Variants in EIF3B observed in about 807,000 individuals in gnomAD.
EIF3B encodes the protein eukaryotic translation initiation factor 3 subunit B.
In EIF3B, 10 loss-of-function variants were observed where a neutral mutation model predicts 104.6. The ratio of observed to expected loss-of-function variants is 0.10; its 90% confidence interval spans 0.06 to 0.16. EIF3B has a LOEUF of 0.16. Ranked by LOEUF, EIF3B falls within the 10% of genes least tolerant of loss-of-function variation. The pLI, the probability that EIF3B is intolerant of heterozygous loss-of-function variation, is 1.00. For missense variants in EIF3B, 1,014 were observed against 1,087.9 expected (o/e 0.93, Z 0.96); for synonymous variants, 542 against 417.2 (o/e 1.30, Z -3.65).
rs746453506 is a variant in EIF3B at position 2,354,972 on chromosome 7, C to G, written c.51C>G (p.Ala17=). 3.6e-5 allele frequency: 43 copies of G among 1,186,244 alleles called. No homozygotes were observed. In the South Asian group the frequency reaches 4.9e-4, roughly 14 times the overall value. The allele number at this position is 1,186,244 out of a possible 1,614,324, so 73.5% of individuals were successfully genotyped here. The stretch of plus-strand genomic sequence containing the variant: ...TGCCCGAGGCGGCCGAGGAGCGCGC[C>G]GAGCCCGGCCAGCAGCAGCCGGCCG... ...VAVPEAAEER[A]EPGQQQPAAE... The change falls in exon 1 of 19, where the codon GCC becomes GCG. Residue 17 remains alanine (A), a synonymous_variant. Coordinates refer to ENST00000360876, the MANE Select transcript of EIF3B (RefSeq NM_001037283.2).
intron 9 of EIF3B, 34 bp from the exon 10 acceptor site, chr7:2,369,438 C>T: frequency 6.2e-7 from 1 of 1,608,044 alleles, no homozygotes; most frequent in Non-Finnish European, 8.5e-7. Flanking sequence ...ATCACTTGGT[C>T]TTTGCTTTAA....
At chr7:2,378,826 G>T (rs887846591) in intron 16 of EIF3B, 60 bp downstream of exon 16, 129 of 1,450,232 alleles carry the variant, frequency 8.9e-5, no homozygotes, top group Non-Finnish European at 1.0e-4. Flanking sequence ...GGCAAAGGCG[G>T]GGCTGCGGGG....
intron 2 of EIF3B, 74 bp downstream of exon 2, chr7:2,360,976 T>G: frequency 2.4e-6 from 3 of 1,271,746 alleles, no homozygotes; most frequent in Non-Finnish European, 3.3e-6. Context: ...CAGGAGATCC[T>G]TACTAACACA....
At chr7:2,374,440 C>CA in intron 12 of EIF3B, 88 bp from the exon 13 acceptor site, 1 of 1,317,444 alleles carries the variant, frequency 7.6e-7, no homozygotes, top group Non-Finnish European at 1.1e-6. Flanking sequence ...TCATGGGCAG[C>CA]ATGAGCACGG....
intron 9 of EIF3B, among the ~76,000 whole-genome samples, 170 bp from the exon 10 acceptor site, chr7:2,369,302 A>G (rs1044554719): frequency 7.2e-5 from 11 of 152,260 alleles, no homozygotes; most frequent in African/African-American, 2.4e-4. Context: ...GCGAGGACCT[A>G]TGAAGCTGCG....
intron 11 of EIF3B, 125 bp downstream of exon 11, chr7:2,371,974 A>G (rs577156735): frequency 2.7e-6 from 2 of 750,350 alleles, no homozygotes; most frequent in South Asian, 3.0e-5. Context: ...CTCACCATGA[A>G]TAGTCATCTC....
chr7:2,366,938 G>T (rs140616148), intron 8 of EIF3B, 61 bp from the exon 9 acceptor site: 3 of 1,530,974 alleles, frequency 2.0e-6, no homozygotes, highest in Non-Finnish European at 2.7e-6. Flanking sequence ...AAAAAGTTAG[G>T]TGTGTTTCTG....
intron 5 of EIF3B, 102 bp downstream of exon 5, chr7:2,363,862 T>C (rs1779870583): frequency 7.4e-7 from 1 of 1,353,704 alleles, no homozygotes. Flanking sequence ...GCAGGTGACG[T>C]TATATTTTCT....
chr7:2,367,055 C>CT lies in EIF3B; in HGVS notation c.1403+12dup. Reference sequence around the variant, plus strand: ...AGATCTCTGGGATAAAGTGAGTATTCTTATCAGTTTGGTGTCTTAGTGTGT... The same window carrying CT: ...AGATCTCTGGGATAAAGTGAGTATTCTTTATCAGTTTGGTGTCTTAGTGTGT... On this transcript the variant is annotated intron_variant, in intron 9 of 18. Transcript: ENST00000360876. The CT allele has an allele frequency of 1.2e-6, 2 of 1,603,090 alleles. No individual in the cohort carries two copies. Among genetic ancestry groups the CT allele is most frequent in the Non-Finnish European group, 1.7e-6 (2 of 1,174,924 alleles).
intron 3 of EIF3B, 52 bp downstream of exon 3, chr7:2,362,816 G>T: frequency 6.2e-7 from 1 of 1,610,718 alleles, no homozygotes. Context: ...CAAGTGACTG[G>T]CTGTGTGCGG....
In EIF3B at chr7:2,360,820, A is replaced by G. The variant is rs563978553; in HGVS notation, c.610A>G (p.Lys204Glu). The change falls in exon 2 of 19, where the codon AAA becomes GAA. Residue 204 changes from lysine to glutamate, a missense_variant. Coordinates refer to ENST00000360876, the MANE Select transcript of EIF3B (RefSeq NM_001037283.2). Reference protein sequence around the residue: ...QVGPDRLEKLKNVIHKIFSKF... With the variant: ...QVGPDRLEKLENVIHKIFSKF... Reference sequence around the variant, plus strand: ...GGGACCCGACCGACTTGAGAAACTCAAAAATGTCATCCACAAGATCTTTTC... The same window carrying G: ...GGGACCCGACCGACTTGAGAAACTCGAAAATGTCATCCACAAGATCTTTTC... The G allele has an allele frequency of 6.2e-7, 1 of 1,613,938 alleles. No individual in the cohort carries two copies. Among genetic ancestry groups the G allele is most frequent in the Non-Finnish European group, 8.5e-7 (1 of 1,179,792 alleles).
In EIF3B at chr7:2,369,505, C is replaced by T. The variant is rs146119314; in HGVS notation, c.1437C>T (p.Ile479=). The T allele has an allele frequency of 5.6e-6, 9 of 1,614,064 alleles. No individual in the cohort carries two copies. Among genetic ancestry groups the T allele is most frequent in the African/African-American group, 2.7e-5 (2 of 74,934 alleles). Residue 479 remains isoleucine, a synonymous_variant, in exon 10 of 19, where the codon ATC becomes ATT. Coordinates refer to ENST00000360876, the MANE Select transcript of EIF3B (RefSeq NM_001037283.2). Reference sequence around the variant, plus strand: ...CTTGGTCTCCTGGTGGTAACATAATCGCCTTCTGGGTGCCTGAAGACAAAG... The same window carrying T: ...CTTGGTCTCCTGGTGGTAACATAATTGCCTTCTGGGTGCCTGAAGACAAAG... ...DFSWSPGGNI[I]AFWVPEDKDI...
chr7:2,373,249 C>T (rs917509759), intron 12 of EIF3B: 8 of 153,688 alleles, frequency 5.2e-5, no homozygotes, highest in Admixed American at 3.9e-4. Flanking sequence ...ACCTGGGGCT[C>T]GCTCCTCACA....
intron 2 of EIF3B, among the ~76,000 whole-genome samples, chr7:2,362,234 AC>A (rs2115292223): frequency 6.6e-6 from 1 of 152,324 alleles, no homozygotes; most frequent in Non-Finnish European, 1.5e-5. Flanking sequence ...TGCTGGGATT[AC>A]AGGTGTGAAC....
chr7:2,365,711 C>T (rs1487829275), intron 6 of EIF3B, among the ~76,000 whole-genome samples: 6 of 139,894 alleles, frequency 4.3e-5, no homozygotes, highest in East Asian at 4.3e-4. Flanking sequence ...GAGTTTCATG[C>T]GTCGCCCAGA....
In EIF3B at chr7:2,375,417, A is replaced by G; in HGVS notation, c.1918A>G (p.Thr640Ala). ...SMNGALAFVD[T>A]SDCTVMNIAE... ...GAACGGTGCCTTAGCGTTTGTGGAC[A>G]CTTCGGACTGCACGGTCATGAACAT... Residue 640 changes from threonine (T) to alanine (A), a missense_variant, in exon 14 of 19, where the codon ACT becomes GCT. Physicochemically the swap from Thr to Ala is moderately conservative, Grantham distance 58. This residue lies in a region of EIF3B where 266 missense variants were observed against 324.0 expected (regional missense o/e 0.82). Coordinates refer to ENST00000360876, the MANE Select transcript of EIF3B (RefSeq NM_001037283.2). 1.2e-6 allele frequency: 2 copies of G among 1,614,216 alleles called. No individual in the cohort carries two copies. The highest frequency in any genetic ancestry group is 1.1e-5 in the South Asian group (1 of 91,086).
At chr7:2,362,611 T>C (rs372385087) in intron 2 of EIF3B, 34 bp from the exon 3 acceptor site, 4 of 1,613,478 alleles carry the variant, frequency 2.5e-6, no homozygotes, top group Non-Finnish European at 3.4e-6. Flanking sequence ...AGCCTTACAG[T>C]GTGGGTATGT....
At position 2,360,103 on chromosome 7, in the gene EIF3B, G is replaced by A. The variant is rs75629666; in HGVS notation, c.500-607G>A. 7.2e-4 allele frequency among the ~76,000 whole-genome samples: 109 copies of A among 152,220 alleles called. 1 individual carries two copies. The East Asian group carries it at 0.014, about 19-fold the overall frequency. Reference sequence around the variant, plus strand: ...CCCTGTGAATGGCCATCCAGTTCACGGCCTGAAAACATGAAAATCACTGGG... The same window carrying A: ...CCCTGTGAATGGCCATCCAGTTCACAGCCTGAAAACATGAAAATCACTGGG... On this transcript the variant is annotated intron_variant, in intron 1 of 18. Transcript: ENST00000360876.
rs184947238 is a variant in EIF3B at position 2,357,227 on chromosome 7, C to T, written c.499+1807C>T. On this transcript the variant is annotated intron_variant, in intron 1 of 18. Coordinates refer to ENST00000360876, the MANE Select transcript of EIF3B (RefSeq NM_001037283.2). ...GAAGAGTCAGAGGATGCTAATATGA[C>T]GACAGGGTTGGCCAGGCTGGGTGAC... Among the ~76,000 whole-genome samples the T allele has an allele frequency of 8.8e-4, 134 of 152,238 alleles. 1 individual carries two copies. The highest frequency in any genetic ancestry group is 4.1e-4 in the South Asian group (2 of 4,830).
Sources: allele counts gnomAD v4.1 joint callset (sites outside exome capture counted in the v4.1 genomes callset), GRCh38; gene constraint gnomAD v4.1.1; regional missense constraint gnomAD v4.1.1; transcripts MANE v1.5; gene names NCBI Gene and HGNC (gene_info 2026-07-23, HGNC 2026-07-21).